Variants in LLGL1 observed in about 807,000 individuals in gnomAD.
LLGL1 encodes the protein lethal(2) giant larvae protein homolog 1.
Under a neutral mutation model 110.6 loss-of-function variants are expected in LLGL1, and 58 were observed. The observed-to-expected ratio is 0.52, with a 90% confidence interval of 0.42 to 0.65. The LOEUF (loss-of-function observed/expected upper bound fraction) is 0.65, where lower values mean the gene tolerates loss of function less well. Ranked by LOEUF, LLGL1 falls within the 30% of genes least tolerant of loss-of-function variation. LLGL1 has a pLI of 0.00. For synonymous variants in LLGL1, 674 were observed against 607.2 expected (o/e 1.11, Z -1.62); for missense variants, 1,229 against 1,462.1 (o/e 0.84, Z 2.60).
rs1436132822 is a variant in LLGL1, at chr17:18,238,125, T to A, written c.1963T>A (p.Ser655Thr). The A allele has an allele frequency of 6.2e-7, 1 of 1,613,796 alleles. No individual in the cohort carries two copies. Among genetic ancestry groups the A allele is most frequent in the South Asian group, 1.1e-5 (1 of 91,078 alleles). ...GGAGGGTCCGCTCTCCCGGGTGAAG[T>A]CTCTCAAGAAGTCACTGCGCCAGTC... is the stretch of plus-strand genomic sequence containing the variant. ...AMEGPLSRVK[S>T]LKKSLRQSFR... is the part of the protein sequence containing the mutation. The change falls in exon 15 of 23, where the codon TCT becomes ACT. Residue 655 changes from serine (S) to threonine (T), a missense_variant. By Grantham distance (58) the Ser-to-Thr change is moderately conservative. Coordinates refer to ENST00000316843, the MANE Select transcript of LLGL1 (RefSeq NM_004140.4).
rs896592682 is a variant in LLGL1 at position 18,241,849 on chromosome 17, C to T, written c.2768-36C>T. Reference sequence around the variant, plus strand: ...ACGGAGGAGCTGTGGTTGGTGGTATCTTCTAACTGCACTCCTCATTCTTCT... The same window carrying T: ...ACGGAGGAGCTGTGGTTGGTGGTATTTTCTAACTGCACTCCTCATTCTTCT... On this transcript the variant is annotated intron_variant, in intron 18 of 22. Transcript: ENST00000316843. 10 of 1,604,348 alleles carry T rather than the reference C, an allele frequency of 6.2e-6. No homozygotes were observed. In the African/African-American group the frequency reaches 1.1e-4, roughly 17 times the overall value.
chr17:18,237,780 G>C lies in LLGL1; in HGVS notation c.1904+7G>C, dbSNP rs780175590. On this transcript the variant is annotated splice_region_variant and intron_variant, in intron 14 of 22. Coordinates refer to ENST00000316843, the MANE Select transcript of LLGL1 (RefSeq NM_004140.4). ...AGAGCCCTGTGCTGGCCAGGTGTGTGGGGTGGGGCCGGCTGGGCAGTTGGA... is the reference window on the plus strand; with the variant it reads ...AGAGCCCTGTGCTGGCCAGGTGTGTCGGGTGGGGCCGGCTGGGCAGTTGGA... 35 of 1,594,038 alleles carry C rather than the reference G, an allele frequency of 2.2e-5. No homozygotes were observed. The highest frequency in any genetic ancestry group is 3.4e-5 in the Admixed American group (2 of 59,480).
intron 19 of LLGL1, 77 bp downstream of exon 19, chr17:18,242,076 T>C: frequency 6.5e-7 from 1 of 1,540,212 alleles, no homozygotes; most frequent in Non-Finnish European, 9.0e-7. Flanking sequence ...AGATCTGCCT[T>C]CCCTGGGCTC....
Position 18,237,648 on chromosome 17 carries a change from G to A in LLGL1, c.1779G>A (p.Val593=), listed in dbSNP as rs374768507. The change falls in exon 14 of 23, where the codon GTG becomes GTA. Residue 593 remains valine (V), a synonymous_variant. Coordinates refer to ENST00000316843, the MANE Select transcript of LLGL1 (RefSeq NM_004140.4). ...CTGGCTTCCAGCCCCGTGTCCTGGT[G>A]CAGTGCCTGCCGCCAGCTGCTGTAA... ...WPAGFQPRVL[V]QCLPPAAVTA... 17 of 1,612,022 alleles carry A rather than the reference G, an allele frequency of 1.1e-5. No individual in the cohort carries two copies. Among genetic ancestry groups the A allele is most frequent in the Middle Eastern group, 3.8e-4 (2 of 5,332 alleles).
intron 4 of LLGL1, among the ~76,000 whole-genome samples, chr17:18,233,548 A>T (rs1282021334): frequency 6.6e-6 from 1 of 152,260 alleles, no homozygotes; most frequent in East Asian, 1.9e-4. Flanking sequence ...CTGGGAGCCC[A>T]GTCTGCAAGA....
In LLGL1 at chr17:18,234,335, C is replaced by G. The variant is rs988469219; in HGVS notation, c.777C>G (p.Gly259=). 3.7e-6 allele frequency: 6 copies of G among 1,612,428 alleles called. No homozygotes were observed. Among genetic ancestry groups the G allele is most frequent in the Non-Finnish European group, 4.2e-6 (5 of 1,179,634 alleles). ...SSTVVSSHSD[G]SYAVWSVDAG... ...CTGTGGTCAGCTCACACAGCGATGG[C>G]AGCTATGCTGTCTGGTCTGTGGATG... is the stretch of plus-strand genomic sequence containing the variant. The change falls in exon 7 of 23, where the codon GGC becomes GGG. Residue 259 remains glycine (G), a synonymous_variant. Transcript: ENST00000316843.
At chr17:18,227,549 G>T (rs1352375173) in intron 1 of LLGL1, among the ~76,000 whole-genome samples, 2 of 152,162 alleles carry the variant, frequency 1.3e-5, no homozygotes, top group Non-Finnish European at 2.9e-5. Context: ...ACCATGCCCG[G>T]CTAGTTTTTG....
chr17:18,238,653 G>C (rs373659715), intron 16 of LLGL1, 44 bp downstream of exon 16: 1 of 1,570,416 alleles, frequency 6.4e-7, no homozygotes, highest in Admixed American at 1.7e-5. Context: ...GGTTGGGGGG[G>C]CTGGCCTCAA....
rs145213300 is a variant in LLGL1 at position 18,241,981 on chromosome 17, G to A, written c.2864G>A (p.Arg955His). The change falls in exon 19 of 23, where the codon CGC (arginine) becomes CAC (histidine). Residue 955 changes from arginine to histidine, a missense_variant. Transcript: ENST00000316843. ...PLCSLDINWP[R>H]DATQASYRIR... is the part of the protein sequence containing the mutation. ...TGCTCTCTGGACATTAACTGGCCCC[G>A]CGATGCCACCCAGGCCAGGTGTGTG... The A allele has an allele frequency of 2.0e-5, 33 of 1,613,746 alleles. No individual in the cohort carries two copies. The highest frequency in any genetic ancestry group is 8.8e-5 in the South Asian group (8 of 91,078).
rs2047420724 is a variant in LLGL1, at chr17:18,225,700, C to T, written c.18C>T (p.Phe6=). The change falls in exon 1 of 23, where the codon TTC becomes TTT. Residue 6 remains phenylalanine, a synonymous_variant. Coordinates refer to ENST00000316843, the MANE Select transcript of LLGL1 (RefSeq NM_004140.4). ...GGCGCAAGATGATGAAGTTTCGGTT[C>T]CGGCGGCAGGGCGCCGACCCGCAGC... The part of the protein sequence containing the change: MMKFR[F]RRQGADPQRE... 1 of 1,048,110 alleles carries T rather than the reference C, an allele frequency of 9.5e-7. No individual in the cohort carries two copies. The highest frequency in any genetic ancestry group is 1.2e-6 in the Non-Finnish European group (1 of 861,128). 64.9% of individuals were successfully genotyped at this position (1,048,110 alleles called of 1,614,324 possible).
chr17:18,225,875 A>AGCGCG, intron 1 of LLGL1, 112 bp downstream of exon 1: 3 of 308,630 alleles, frequency 9.7e-6, no homozygotes, highest in East Asian at 1.9e-4. Context: ...GCTGGCATGC[A>AGCGCG]GCGCGGCGCG....
Position 18,237,675 on chromosome 17 carries a change from C to T in LLGL1, c.1806C>T (p.Thr602=), listed in dbSNP as rs150635970. The T allele has an allele frequency of 2.7e-4, 430 of 1,612,804 alleles. 3 individuals carry two copies. In the African/African-American group the frequency reaches 4.9e-3, roughly 18 times the overall value. ...LVQCLPPAAV[T]AVTLHTEWSL... Reference sequence around the variant, plus strand: ...AGTGCCTGCCGCCAGCTGCTGTAACCGCTGTCACACTCCACACCGAGTGGA... The same window carrying T: ...AGTGCCTGCCGCCAGCTGCTGTAACTGCTGTCACACTCCACACCGAGTGGA... Residue 602 remains threonine (T), a synonymous_variant, in exon 14 of 23, where the codon ACC becomes ACT. Transcript: ENST00000316843.
chr17:18,242,920 C>T, intron 22 of LLGL1, 98 bp downstream of exon 22: 2 of 1,162,070 alleles, frequency 1.7e-6, no homozygotes, highest in Non-Finnish European at 1.2e-6. Context: ...ACCTGAGACC[C>T]TGGCAGGCCC....
chr17:18,241,346 G>A, intron 17 of LLGL1, 105 bp from the exon 18 acceptor site: 1 of 1,443,782 alleles, frequency 6.9e-7, no homozygotes, highest in Non-Finnish European at 9.3e-7. Context: ...GTAGCATGCA[G>A]CTGGGCTTTG....
At chr17:18,237,913 A>G in intron 14 of LLGL1, 140 bp downstream of exon 14, 8 of 1,281,786 alleles carry the variant, frequency 6.2e-6, no homozygotes, top group Non-Finnish European at 8.5e-6. Flanking sequence ...CAGCTCCAAG[A>G]AGGACATTCT....
intron 2 of LLGL1, among the ~76,000 whole-genome samples, chr17:18,231,234 C>T: frequency 6.6e-6 from 1 of 152,162 alleles, no homozygotes; most frequent in Non-Finnish European, 1.5e-5. Flanking sequence ...GAAACTGAGG[C>T]TGGAGAGGGC....
At chr17:18,230,135 A>C in intron 2 of LLGL1, 97 bp downstream of exon 2, 4 of 851,344 alleles carry the variant, frequency 4.7e-6, no homozygotes, top group Non-Finnish European at 7.3e-6. Flanking sequence ...GTCCAGCTCG[A>C]GAGGAGGACA....
chr17:18,242,344 TCA>T (rs1279736130), intron 20 of LLGL1, 66 bp downstream of exon 20: 17 of 1,551,850 alleles, frequency 1.1e-5, no homozygotes, highest in Non-Finnish European at 1.8e-6. Context: ...GAGTCGGGAC[TCA>T]CATAGCTCAG....
At chr17:18,234,451 G>C (rs1377147659) in intron 7 of LLGL1, 43 bp downstream of exon 7, 1 of 1,601,912 alleles carries the variant, frequency 6.2e-7, no homozygotes, top group Admixed American at 1.7e-5. Flanking sequence ...GTGATGGGAG[G>C]GGGCACCACT....
Sources: gnomAD v4.1 joint callset for allele counts (sites outside exome capture counted in the v4.1 genomes callset) on GRCh38, gnomAD v4.1.1 for gene constraint, MANE v1.5 for transcripts, NCBI Gene and HGNC (gene_info 2026-07-23, HGNC 2026-07-21) for gene names.